The following CRACD variants were observed in gnomAD, a reference collection of about 807,000 sequenced individuals.
CRACD encodes the protein capping protein-inhibiting regulator of actin dynamics.
CRACD carries 56 observed loss-of-function variants against 106.8 expected under a neutral mutation model. The ratio of observed to expected loss-of-function variants is 0.52; its 90% CI spans 0.42 to 0.66. CRACD has a LOEUF of 0.66. CRACD is among the 30% of genes least tolerant of loss of function. The probability of loss-of-function intolerance (pLI) is 0.00; values close to 1 mark genes in which losing one functional copy is unlikely to be tolerated. For synonymous variants in CRACD, 754 were observed against 670.8 expected (o/e 1.12, Z -1.92); for missense variants, 1,730 against 1,623.2 (o/e 1.07, Z -1.13).
At chr4:56,087,982 C>T (rs1733287350) in intron 1 of CRACD, among the ~76,000 whole-genome samples, 1 of 152,132 alleles carries the variant, frequency 6.6e-6, no homozygotes, top group South Asian at 2.1e-4. Context: ...ATCTCTCCTT[C>T]TGTCACCATG....
chr4:56,079,851 G>T (rs536110511), intron 1 of CRACD, among the ~76,000 whole-genome samples: 55 of 152,264 alleles, frequency 3.6e-4, no homozygotes, highest in African/African-American at 1.3e-3. Context: ...ACGACGGAAG[G>T]CAAGTGTAGG....
chr4:56,312,907 A>C (rs1745247769), intron 6 of CRACD, among the ~76,000 whole-genome samples: 1 of 152,190 alleles, frequency 6.6e-6, no homozygotes, highest in Non-Finnish European at 1.5e-5. Flanking sequence ...ATGTTTTGCT[A>C]ATCTTGGAGC....
intron 1 of CRACD, among the ~76,000 whole-genome samples, chr4:56,157,660 C>T (rs1262576570): frequency 6.6e-6 from 1 of 152,034 alleles, no homozygotes; most frequent in Non-Finnish European, 1.5e-5. Context: ...AAGGATGATA[C>T]TATGAAAGAA....
chr4:56,198,292 AAAAAGAAGAG>A (rs1737716675), intron 2 of CRACD, among the ~76,000 whole-genome samples: 1 of 152,182 alleles, frequency 6.6e-6, no homozygotes, highest in African/African-American at 2.4e-5. Flanking sequence ...CATGAACTTC[AAAAAGAAGAG>A]AGGAGGTGCA....
At position 56,315,829 on chromosome 4, in the gene CRACD, C is replaced by T. The variant is rs3796547; in HGVS notation, c.2327C>T (p.Ser776Leu). Reference sequence around the variant, plus strand: ...GAGCTCGGGAAGGGTCCGGAGAAGTCGGAGATGCACCGGGAGCCCGCAGAC... The same window carrying T: ...GAGCTCGGGAAGGGTCCGGAGAAGTTGGAGATGCACCGGGAGCCCGCAGAC... ...VRELGKGPEKSEMHREPADTT... is the reference protein window; with the variant it reads ...VRELGKGPEKLEMHREPADTT... The change falls in exon 8 of 11, where the codon TCG becomes TTG. Residue 776 changes from serine (S) to leucine (L), a missense_variant. Ser to Leu is a moderately radical substitution (Grantham distance 145, BLOSUM62 -2). Coordinates refer to ENST00000682029, the MANE Select transcript of CRACD (RefSeq NM_001393381.1). This position sits in a 1 kb window ranked among gnomAD's most constrained non-coding sequence, Gnocchi z 4.1. 0.33 allele frequency: 528,468 copies of T among 1,613,956 alleles called. 88,820 individuals are homozygous for T. Among genetic ancestry groups the T allele is most frequent in the Middle Eastern group, 0.39 (2,356 of 6,060 alleles).
At chr4:56,305,371 T>C (rs1744622037) in intron 4 of CRACD, among the ~76,000 whole-genome samples, 1 of 152,194 alleles carries the variant, frequency 6.6e-6, no homozygotes, top group South Asian at 2.1e-4. Context: ...TAGAGAAGGC[T>C]GGGCTGGGCG....
intron 2 of CRACD, among the ~76,000 whole-genome samples, chr4:56,265,404 GTGTGT>G (rs1741953212): frequency 2.2e-4 from 2 of 9,088 alleles, no homozygotes; most frequent in Non-Finnish European, 3.9e-4. Flanking sequence ...TAGAGGAGGG[GTGTGT>G]GTGTGTGTGT....
At chr4:56,317,165 T>C (rs530805866) in intron 8 of CRACD, among the ~76,000 whole-genome samples, 3 of 152,296 alleles carry the variant, frequency 2.0e-5, no homozygotes, top group African/African-American at 7.2e-5. Context: ...CTCTGGATGG[T>C]CTGTTTGATG....
chr4:56,122,183 C>CT (rs1368449982), intron 1 of CRACD, among the ~76,000 whole-genome samples: 3 of 147,904 alleles, frequency 2.0e-5, no homozygotes, highest in African/African-American at 7.5e-5. Context: ...GATTCCATCT[C>CT]TTTAAAAAAA....
intron 1 of CRACD, among the ~76,000 whole-genome samples, chr4:56,105,016 A>G (rs999301887): frequency 7.2e-5 from 11 of 152,078 alleles, no homozygotes; most frequent in Non-Finnish European, 1.2e-4. Flanking sequence ...CAAGTAAGTA[A>G]AACTATTCTG....
rs73817363 is a variant in CRACD at position 56,129,677 on chromosome 4, G to C, written c.-335-49607G>C. On this transcript the variant is annotated intron_variant, in intron 1 of 10. Coordinates refer to ENST00000682029, the MANE Select transcript of CRACD (RefSeq NM_001393381.1). Reference sequence around the variant, plus strand: ...CACGCTTTTATGGAACTGACCATGCGTCAGGCACTGTGCCCGGCACTAGGG... The same window carrying C: ...CACGCTTTTATGGAACTGACCATGCCTCAGGCACTGTGCCCGGCACTAGGG... Among the ~76,000 whole-genome samples, 768 of 152,292 alleles carry C rather than the reference G, an allele frequency of 5.0e-3. 7 individuals are homozygous for C. The highest frequency in any genetic ancestry group is 0.017 in the African/African-American group (724 of 41,554).
At chr4:56,081,557 G>A (rs1053018669) in intron 1 of CRACD, among the ~76,000 whole-genome samples, 2 of 152,186 alleles carry the variant, frequency 1.3e-5, no homozygotes, top group Admixed American at 1.3e-4. Context: ...AATTATCATT[G>A]TAGGATACAT....
In CRACD at chr4:56,191,724, C is replaced by T. The variant is rs577613168; in HGVS notation, c.-189+12294C>T. Among the ~76,000 whole-genome samples the T allele has an allele frequency of 1.5e-4, 23 of 152,322 alleles. No individual in the cohort carries two copies. In the East Asian group the frequency reaches 2.7e-3, roughly 18 times the overall value. On this transcript the variant is annotated intron_variant, in intron 2 of 10. Transcript: ENST00000682029. Reference sequence around the variant, plus strand: ...CCTCCATTCTGAGACCTGTGTGGAACGCCCAACCACCATGTACGACGTTAT... The same window carrying T: ...CCTCCATTCTGAGACCTGTGTGGAATGCCCAACCACCATGTACGACGTTAT...
chr4:56,238,210 C>T (rs956620477), intron 2 of CRACD, among the ~76,000 whole-genome samples: 30 of 152,320 alleles, frequency 2.0e-4, no homozygotes, highest in African/African-American at 7.2e-4. Flanking sequence ...GGCTTGAAGG[C>T]TGCAGGCTGG....
chr4:56,092,192 G>C (rs995790186), intron 1 of CRACD, among the ~76,000 whole-genome samples: 1 of 152,212 alleles, frequency 6.6e-6, no homozygotes, highest in Admixed American at 6.5e-5. Flanking sequence ...GCCAGGGAAG[G>C]CATCACTGAG....
chr4:56,213,316 T>C (rs56959754), intron 2 of CRACD, among the ~76,000 whole-genome samples: 8 of 151,856 alleles, frequency 5.3e-5, no homozygotes, highest in Non-Finnish European at 1.2e-4. Flanking sequence ...CGTAGTGGCG[T>C]ATGCCTGTAA....
intron 2 of CRACD, among the ~76,000 whole-genome samples, chr4:56,253,403 G>A (rs1174167827): frequency 6.6e-6 from 1 of 152,150 alleles, no homozygotes; most frequent in African/African-American, 2.4e-5. Flanking sequence ...AGGGACCCTC[G>A]ATAGTTCAGT....
intron 1 of CRACD, among the ~76,000 whole-genome samples, chr4:56,128,608 G>T (rs1021602276): frequency 2.6e-5 from 4 of 152,106 alleles, no homozygotes; most frequent in Non-Finnish European, 5.9e-5. Context: ...ATGGATAAAT[G>T]ATGTTCAAAT....
chr4:56,292,594 G>A (rs562135374), intron 3 of CRACD, among the ~76,000 whole-genome samples: 15 of 151,640 alleles, frequency 9.9e-5, no homozygotes, highest in African/African-American at 2.7e-4. Context: ...GCACAGTCTC[G>A]GCTCACTGCA....
Sources: gnomAD v4.1 joint callset for allele counts (sites outside exome capture counted in the v4.1 genomes callset) on GRCh38, gnomAD v4.1.1 for gene constraint, Gnocchi (gnomAD v3.1) non-coding constraint, MANE v1.5 for transcripts, NCBI Gene and HGNC (gene_info 2026-07-23, HGNC 2026-07-21) for gene names.